The following CACNB4 variants were observed in gnomAD, a reference collection of about 807,000 sequenced individuals.
CACNB4 encodes the protein calcium voltage-gated channel auxiliary subunit beta 4.
In CACNB4, 32 loss-of-function variants were observed where a neutral mutation model predicts 71.2. The ratio of observed to expected loss-of-function variants is 0.45; its 90% confidence interval spans 0.34 to 0.60. The LOEUF is 0.60. Among genes scored for constraint, CACNB4 ranks in the 20% least tolerant of loss-of-function variants. The probability of loss-of-function intolerance (pLI) is 0.01; values close to 1 mark genes in which losing one functional copy is unlikely to be tolerated. For missense variants in CACNB4, 464 were observed against 647.9 expected (o/e 0.72, Z 3.08); for synonymous variants, 231 against 236.9 (o/e 0.97, Z 0.23).
At chr2:151,999,311 C>T (rs1329543228) in intron 2 of CACNB4, among the ~76,000 whole-genome samples, 2 of 151,730 alleles carry the variant, frequency 1.3e-5, no homozygotes, top group Non-Finnish European at 2.9e-5. Flanking sequence ...CTGGTACCTT[C>T]GGGACAATCC....
At chr2:151,938,986 A>G (rs1339611135) in intron 2 of CACNB4, among the ~76,000 whole-genome samples, 2 of 152,330 alleles carry the variant, frequency 1.3e-5, no homozygotes, top group Non-Finnish European at 2.9e-5. Context: ...TCCTTTCTCT[A>G]TCTGCAGATA....
At chr2:152,053,364 G>A (rs1685547742) in intron 2 of CACNB4, among the ~76,000 whole-genome samples, 1 of 152,176 alleles carries the variant, frequency 6.6e-6, no homozygotes, top group African/African-American at 2.4e-5. Context: ...CTTGTGGATT[G>A]CTGAGTTTGT....
At chr2:152,000,006 T>C (rs1392951100) in intron 2 of CACNB4, among the ~76,000 whole-genome samples, 1 of 152,222 alleles carries the variant, frequency 6.6e-6, no homozygotes, top group African/African-American at 2.4e-5. Context: ...TATCAAAGCA[T>C]TGTGTCATCA....
At chr2:152,049,083 C>T (rs1685281140) in intron 2 of CACNB4, among the ~76,000 whole-genome samples, 1 of 152,116 alleles carries the variant, frequency 6.6e-6, no homozygotes, top group South Asian at 2.1e-4. Flanking sequence ...TTTCAGCACT[C>T]CCTATATCTT....
At chr2:151,954,749 T>A (rs541591493) in intron 2 of CACNB4, among the ~76,000 whole-genome samples, 5 of 152,062 alleles carry the variant, frequency 3.3e-5, no homozygotes, top group African/African-American at 7.2e-5. Context: ...TCTGAATATG[T>A]CCTTGCAAAT....
intron 9 of CACNB4, 72 bp downstream of exon 9, chr2:151,869,105 A>G (rs2099843934): frequency 2.3e-6 from 2 of 858,334 alleles, no homozygotes; most frequent in Admixed American, 2.1e-5. Context: ...GGAAACATAG[A>G]TCTACAATTC....
At chr2:152,010,202 T>G (rs1210166748) in intron 2 of CACNB4, among the ~76,000 whole-genome samples, 1 of 152,212 alleles carries the variant, frequency 6.6e-6, no homozygotes, top group Non-Finnish European at 1.5e-5. Flanking sequence ...TATCAAAATG[T>G]AGATGTTAGG....
intron 2 of CACNB4, among the ~76,000 whole-genome samples, chr2:151,907,506 G>T (rs2099855116): frequency 6.6e-6 from 1 of 152,162 alleles, no homozygotes; most frequent in Non-Finnish European, 1.5e-5. Context: ...TAACCAAGGT[G>T]CATTTGTCAT....
At chr2:151,936,843 C>T (rs577779638) in intron 2 of CACNB4, among the ~76,000 whole-genome samples, 1 of 152,352 alleles carries the variant, frequency 6.6e-6, no homozygotes, top group Admixed American at 6.5e-5. Flanking sequence ...TTCTGTCTAA[C>T]ATGAACCAGA....
chr2:151,896,088 C>T (rs554025845), intron 2 of CACNB4, among the ~76,000 whole-genome samples: 8 of 152,252 alleles, frequency 5.3e-5, no homozygotes, highest in Admixed American at 2.6e-4. Context: ...TCAGGTGATT[C>T]GCCTGCCTTG....
chr2:151,932,392 G>A (rs1347058382), intron 2 of CACNB4, among the ~76,000 whole-genome samples: 4 of 152,056 alleles, frequency 2.6e-5, no homozygotes, highest in Non-Finnish European at 5.9e-5. Context: ...AATAGCAGTC[G>A]ATATACCCCA....
intron 12 of CACNB4, among the ~76,000 whole-genome samples, chr2:151,842,934 T>C (rs903903878): frequency 6.6e-6 from 1 of 152,242 alleles, no homozygotes; most frequent in African/African-American, 2.4e-5. Flanking sequence ...TTATCTGTTT[T>C]ATGATAAAAC....
At chr2:151,905,580 A>AT (rs2099854589) in intron 2 of CACNB4, among the ~76,000 whole-genome samples, 2 of 152,378 alleles carry the variant, frequency 1.3e-5, no homozygotes, top group South Asian at 4.1e-4. Flanking sequence ...GTACCTGGCA[A>AT]TATAAAGTAG....
At chr2:152,078,427 T>C (rs181413082) in intron 2 of CACNB4, among the ~76,000 whole-genome samples, 2 of 151,460 alleles carry the variant, frequency 1.3e-5, no homozygotes, top group East Asian at 3.9e-4. Context: ...GAAACTATTA[T>C]CATCATGAGG....
intron 2 of CACNB4, among the ~76,000 whole-genome samples, chr2:151,951,729 C>T (rs74420954): frequency 1.3e-5 from 2 of 152,184 alleles, no homozygotes; most frequent in Admixed American, 6.5e-5. Flanking sequence ...GCTTCTGCCA[C>T]AGATGCACCT....
intron 12 of CACNB4, among the ~76,000 whole-genome samples, chr2:151,844,054 C>CT (rs1415239305): frequency 6.6e-6 from 1 of 152,182 alleles, no homozygotes; most frequent in African/African-American, 2.4e-5. Context: ...AAATTCCCCC[C>CT]AACCAAGAAC....
intron 2 of CACNB4, among the ~76,000 whole-genome samples, chr2:152,010,671 T>G (rs1246253359): frequency 6.6e-6 from 1 of 152,214 alleles, no homozygotes; most frequent in Non-Finnish European, 1.5e-5. Flanking sequence ...TGGGTCACTC[T>G]GCTAGCAAGT....
intron 2 of CACNB4, among the ~76,000 whole-genome samples, chr2:151,896,887 T>A (rs2099852222): frequency 6.6e-6 from 1 of 152,186 alleles, no homozygotes; most frequent in Admixed American, 6.5e-5. Flanking sequence ...AAACAAGGCT[T>A]AGAGACACTA....
chr2:151,900,280 T>G (rs1417145715), intron 2 of CACNB4, among the ~76,000 whole-genome samples: 2 of 152,202 alleles, frequency 1.3e-5, no homozygotes, highest in Non-Finnish European at 2.9e-5. Context: ...TGCTGAACTA[T>G]GTCATTTAAA....
Sources: gnomAD v4.1 joint callset for allele counts (sites outside exome capture counted in the v4.1 genomes callset) on GRCh38, gnomAD v4.1.1 for gene constraint, MANE v1.5 for transcripts, NCBI Gene and HGNC (gene_info 2026-07-23, HGNC 2026-07-21) for gene names.